Variants in UBE2D3 observed in about 807,000 individuals in gnomAD.
UBE2D3 encodes the protein ubiquitin conjugating enzyme E2 D3.
In UBE2D3, 2 loss-of-function variants were observed where a neutral mutation model predicts 22.8. The ratio of observed to expected loss-of-function variants is 0.09; its 90% CI spans 0.04 to 0.28. The LOEUF is 0.28. Ranked by LOEUF, UBE2D3 falls within the 10% of genes least tolerant of loss-of-function variation. UBE2D3 has a pLI of 1.00. For synonymous variants in UBE2D3, 56 were observed against 60.4 expected, an observed-to-expected ratio of 0.93 and a Z score of 0.34; for missense variants, 27 against 182.5, an observed-to-expected ratio of 0.15 and a Z score of 4.91.
chr4:102,806,451 A>G (rs1231698944), intron 4 of UBE2D3, among the ~76,000 whole-genome samples: 1 of 152,174 alleles, frequency 6.6e-6, no homozygotes, highest in East Asian at 1.9e-4. Context: ...AAAGGTGGAA[A>G]AAGTCTTCAG....
Position 102,797,379 on chromosome 4 carries a change from A to C in UBE2D3, c.*36T>G. The stretch of plus-strand genomic sequence containing the variant: ...GGAACAGTAATTTAAAGTTTATTCC[A>C]GCTATAATGCAGGTTATTCTGACTT... On this transcript the variant is annotated 3_prime_UTR_variant, in exon 8 of 8. Transcript: ENST00000453744. 2 of 1,548,948 alleles carry C rather than the reference A, an allele frequency of 1.3e-6. No homozygotes were observed. The highest frequency in any genetic ancestry group is 1.8e-6 in the Non-Finnish European group (2 of 1,138,066).
At chr4:102,854,806 G>T (rs771535345) in intron 1 of UBE2D3, among the ~76,000 whole-genome samples, 74 of 152,296 alleles carry the variant, frequency 4.9e-4, no homozygotes, top group Middle Eastern at 3.4e-3. Flanking sequence ...GGAAGCAAAA[G>T]CTTGAGGAAT....
upstream of UBE2D3, among the ~76,000 whole-genome samples, chr4:102,829,685 C>T (rs571871973): frequency 6.6e-6 from 1 of 152,170 alleles, no homozygotes; most frequent in African/African-American, 2.4e-5. Flanking sequence ...CGCCTGTAAT[C>T]CCAGCACTTT....
At chr4:102,819,690 A>C in intron 2 of UBE2D3, 1 of 656,314 alleles carries the variant, frequency 1.5e-6, no homozygotes, top group Non-Finnish European at 1.9e-6. Context: ...CCTTTAAGAC[A>C]GTAAAATTAT....
rs760242298 is a variant in UBE2D3 at position 102,798,879 on chromosome 4, G to A, written c.398+528C>T. On this transcript the variant is annotated intron_variant, in intron 7 of 7. Transcript: ENST00000453744. Reference sequence around the variant, plus strand: ...GTGCCTTAACGCATGCAGCACTCAAGTGCTGGCAGTACCATAATAAGCGCA... The same window carrying A: ...GTGCCTTAACGCATGCAGCACTCAAATGCTGGCAGTACCATAATAAGCGCA... 3 of 1,581,430 alleles carry A rather than the reference G, an allele frequency of 1.9e-6. No homozygotes were observed. The South Asian group carries it at 3.3e-5, about 18-fold the overall frequency.
At chr4:102,806,626 G>A (rs1489453464) in intron 4 of UBE2D3, among the ~76,000 whole-genome samples, 1 of 152,106 alleles carries the variant, frequency 6.6e-6, no homozygotes, top group African/African-American at 2.4e-5. Flanking sequence ...ACATTTTTCA[G>A]ATACTTTCAC....
In UBE2D3 at chr4:102,858,836, G is replaced by A. The variant is rs191253817; in HGVS notation, c.-129+9879C>T. 2.4e-3 allele frequency among the ~76,000 whole-genome samples: 367 copies of A among 151,932 alleles called. 2 individuals are homozygous for A. Among genetic ancestry groups the A allele is most frequent in the African/African-American group, 8.0e-3 (332 of 41,480 alleles). ...ATCTATCCTCTCCCACATTGTTATCGATGTCAAAATTTACATTTTTATATT... is the reference window on the plus strand; with the variant it reads ...ATCTATCCTCTCCCACATTGTTATCAATGTCAAAATTTACATTTTTATATT... On this transcript the variant is annotated intron_variant, in intron 1 of 7. Coordinates refer to the UBE2D3 transcript ENST00000338145.
chr4:102,853,126 AACACACAC>A (rs1177221763), intron 1 of UBE2D3, among the ~76,000 whole-genome samples: 1 of 138,680 alleles, frequency 7.2e-6, no homozygotes, highest in Non-Finnish European at 1.5e-5. Flanking sequence ...ATTACACACA[AACACACAC>A]ATTTTTTTTT....
At chr4:102,865,080 G>C (rs1208722311) in intron 1 of UBE2D3, among the ~76,000 whole-genome samples, 1 of 152,138 alleles carries the variant, frequency 6.6e-6, no homozygotes, top group African/African-American at 2.4e-5. Context: ...AAAAACACAG[G>C]TGAATACCTT....
chr4:102,828,139 A>C (rs887212558), upstream of UBE2D3: 30 of 985,454 alleles, frequency 3.0e-5, no homozygotes, highest in Non-Finnish European at 3.6e-5. Context: ...AACGCCCCTG[A>C]ATGCTTATGC....
intron 2 of UBE2D3, chr4:102,813,057 AC>A (rs1728272821): frequency 1.3e-5 from 2 of 152,342 alleles, no homozygotes; most frequent in Admixed American, 1.3e-4. Context: ...GAATAATTGT[AC>A]TACCTTTAAA....
intron 1 of UBE2D3, among the ~76,000 whole-genome samples, chr4:102,846,034 G>T (rs1403415986): frequency 1.3e-5 from 2 of 152,094 alleles, no homozygotes; most frequent in Non-Finnish European, 2.9e-5. Flanking sequence ...CAAGTGATCT[G>T]CCTGCGTTGG....
upstream of UBE2D3, chr4:102,827,737 T>C: frequency 1.0e-6 from 1 of 985,740 alleles, no homozygotes; most frequent in Non-Finnish European, 1.2e-6. Flanking sequence ...AACAGCACCT[T>C]CTTACTAAAC....
At chr4:102,865,878 CTG>C (rs976834653) in intron 1 of UBE2D3, among the ~76,000 whole-genome samples, 2 of 152,192 alleles carry the variant, frequency 1.3e-5, no homozygotes, top group African/African-American at 4.8e-5. Flanking sequence ...ACTCCTTTAA[CTG>C]TATTTACATA....
chr4:102,825,060 G>C (rs889974448), intron 2 of UBE2D3, among the ~76,000 whole-genome samples: 5 of 152,120 alleles, frequency 3.3e-5, no homozygotes, highest in Non-Finnish European at 1.5e-5. Flanking sequence ...CATACTAAGA[G>C]TGAAGATTTA....
At chr4:102,868,096 G>A (rs1178809485) in intron 1 of UBE2D3, among the ~76,000 whole-genome samples, 2 of 94,196 alleles carry the variant, frequency 2.1e-5, no homozygotes, top group East Asian at 5.9e-4. Context: ...TTTTTGTGAC[G>A]GAGTCTTGCT....
At chr4:102,841,938 C>T (rs1731778874) in intron 1 of UBE2D3, among the ~76,000 whole-genome samples, 1 of 152,158 alleles carries the variant, frequency 6.6e-6, no homozygotes, top group Admixed American at 6.5e-5. Flanking sequence ...ACACAGCTTT[C>T]ATTATAATGT....
intron 2 of UBE2D3, chr4:102,811,273 C>G (rs1032423941): frequency 3.3e-5 from 5 of 152,470 alleles, no homozygotes; most frequent in African/African-American, 1.2e-4. Flanking sequence ...TTGAGCCCAA[C>G]AAGTCAAGGC....
chr4:102,831,904 T>C (rs774579584), upstream of UBE2D3, among the ~76,000 whole-genome samples: 36 of 152,216 alleles, frequency 2.4e-4, no homozygotes, highest in Non-Finnish European at 4.7e-4. Context: ...TAGAGATCTG[T>C]TGATAGAGTC....
Sources: gnomAD v4.1 joint callset for allele counts (sites outside exome capture counted in the v4.1 genomes callset) on GRCh38, gnomAD v4.1.1 for gene constraint, MANE v1.5 for transcripts, NCBI Gene and HGNC (gene_info 2026-07-23, HGNC 2026-07-21) for gene names.